PLA2G2F: variants seen among roughly 807,000 people sequenced by gnomAD.
The protein encoded by PLA2G2F is group IIF secretory phospholipase A2.
A neutral mutation model predicts 15.9 loss-of-function variants in PLA2G2F; 17 were observed. That is an observed-to-expected ratio of 1.07 (90% CI 0.73 to 1.60). The LOEUF (loss-of-function observed/expected upper bound fraction) is 1.60. Among genes scored for constraint, PLA2G2F ranks in the 40% most tolerant of loss-of-function variants. The pLI, the probability that PLA2G2F is intolerant of heterozygous loss-of-function variation, is 0.00. For missense variants in PLA2G2F, 299 were observed against 278.2 expected, an observed-to-expected ratio of 1.07 and a Z score of -0.53; for synonymous variants, 119 against 106.5, an observed-to-expected ratio of 1.12 and a Z score of -0.72.
chr1:20,139,702 G>A (rs2017421104), intron 1 of PLA2G2F, among the ~76,000 whole-genome samples, 159 bp downstream of exon 1: 1 of 152,216 alleles, frequency 6.6e-6, no homozygotes, highest in African/African-American at 2.4e-5. Flanking sequence ...ATGTGGCCCA[G>A]GGAGAGTGAG....
At chr1:20,145,869 A>G (rs1219878949) in intron 4 of PLA2G2F, among the ~76,000 whole-genome samples, 20 of 152,116 alleles carry the variant, frequency 1.3e-4, no homozygotes, top group African/African-American at 9.7e-5. Flanking sequence ...CTGCTTCCCA[A>G]AGTGCTGGGA....
intron 4 of PLA2G2F, 41 bp downstream of exon 4, chr1:20,144,730 GTGGCTGGCTCTACCAGCC>G (rs1209243638): frequency 2.7e-5 from 41 of 1,494,826 alleles, no homozygotes; most frequent in Non-Finnish European, 1.9e-5. Flanking sequence ...AGAGAAGGGA[GTGGCTGGCTCTACCAGCC>G]TGTGCTGGGA....
rs1449086600 is a variant in PLA2G2F, at chr1:20,143,428, C to A, written c.170-18C>A. On this transcript the variant is annotated intron_variant, in intron 2 of 4. Coordinates refer to ENST00000375102, the MANE Select transcript of PLA2G2F (RefSeq NM_022819.4). Reference sequence around the variant, plus strand: ...GCCCCGGGGCAGGGGCTCAGAGCACCCCCTGGTTCTCTTGCAGTTCTGTCC... The same window carrying A: ...GCCCCGGGGCAGGGGCTCAGAGCACACCCTGGTTCTCTTGCAGTTCTGTCC... The A allele has an allele frequency of 6.2e-7, 1 of 1,611,130 alleles. No individual in the cohort carries two copies. The highest frequency in any genetic ancestry group is 1.1e-5 in the South Asian group (1 of 90,974).
chr1:20,143,071 C>T (rs549963967), intron 2 of PLA2G2F: 1 of 168,482 alleles, frequency 5.9e-6, no homozygotes, highest in African/African-American at 2.4e-5. Flanking sequence ...TGCACTGGGC[C>T]TCAGTCTTCT....
chr1:20,146,211 T>C (rs1318086694), intron 4 of PLA2G2F, among the ~76,000 whole-genome samples: 1 of 152,198 alleles, frequency 6.6e-6, no homozygotes, highest in Non-Finnish European at 1.5e-5. Flanking sequence ...GGGTTTGAAC[T>C]CTGGTTCTGT....
In PLA2G2F at chr1:20,140,196, C is replaced by T. The variant is rs373042211; in HGVS notation, c.147C>T (p.Thr49=). 52 of 1,613,770 alleles carry T rather than the reference C, an allele frequency of 3.2e-5. No homozygotes were observed. In the East Asian group the frequency reaches 5.8e-4, roughly 18 times the overall value. The change falls in exon 2 of 5, where the codon ACC becomes ACT. Residue 49 remains threonine, a synonymous_variant. Transcript: ENST00000375102. ...RSSLGMKKFF[T]VAILAGSVLS... The stretch of plus-strand genomic sequence containing the variant: ...GCCTGGGTATGAAGAAGTTCTTCAC[C>T]GTGGCCATCCTTGCTGGCAGCGGTG...
chr1:20,143,781 GT>G (rs1445513471), intron 3 of PLA2G2F, 191 bp downstream of exon 3: 2 of 681,046 alleles, frequency 2.9e-6, no homozygotes, highest in Non-Finnish European at 4.8e-6. Flanking sequence ...GCTTTCTGTT[GT>G]CCATCTCCAA....
intron 2 of PLA2G2F, chr1:20,141,611 G>A (rs1569893792): frequency 6.6e-6 from 1 of 152,348 alleles, no homozygotes; most frequent in Non-Finnish European, 1.5e-5. Flanking sequence ...GGGGTCCTGG[G>A]ACTGGAGGTG....
Position 20,148,698 on chromosome 1 carries a change from G to T in PLA2G2F, c.*297G>T, listed in dbSNP as rs1429815409. On this transcript the variant is annotated 3_prime_UTR_variant, in exon 5 of 5. Coordinates refer to ENST00000375102, the MANE Select transcript of PLA2G2F (RefSeq NM_022819.4). ...GGAGACCTGAGAGAGAGGAGGAGGG[G>T]CCTCTGAGTGGGGCCTCTGTTGCTG... The T allele has an allele frequency of 9.3e-6, 4 of 428,386 alleles. No individual in the cohort carries two copies. Among genetic ancestry groups the T allele is most frequent in the African/African-American group, 7.9e-5 (4 of 50,604 alleles). The allele number at this position is 428,386 out of a possible 1,614,324, so 26.5% of individuals were successfully genotyped here.
In PLA2G2F at chr1:20,142,240, G is replaced by A. The variant is rs61768662; in HGVS notation, c.170-1206G>A. The A allele has an allele frequency of 9.3e-3, 1,414 of 152,582 alleles. 17 individuals carry two copies. The highest frequency in any genetic ancestry group is 0.02 in the Middle Eastern group (6 of 298). 9.5% of individuals were successfully genotyped at this position (152,582 alleles called of 1,614,324 possible). A position where few individuals can be genotyped will look rare whatever the true frequency, so the allele number is the denominator to read the frequency against. The stretch of plus-strand genomic sequence containing the variant: ...AATGGCTGGGGTGGGGGAAGCAGGC[G>A]GAGCTGCACTGCCCTGCGCTGCGGT... On this transcript the variant is annotated intron_variant, in intron 2 of 4. Transcript: ENST00000375102.
chr1:20,143,710 T>C, intron 3 of PLA2G2F, 120 bp downstream of exon 3: 3 of 1,281,876 alleles, frequency 2.3e-6, no homozygotes, highest in Non-Finnish European at 3.2e-6. Flanking sequence ...ATCCAGCTTC[T>C]TTGATGACTT....
Position 20,148,395 on chromosome 1 carries a change from TCCC to T in PLA2G2F, c.631_633del (p.Pro211del). ...ACCAATCCCCAGCGCCCCCCGCCCC[TCCC>T]TAGAGCCTCTGAGGTTTGAGAGAGA... On this transcript the variant is annotated inframe_deletion, in exon 5 of 5. Coordinates refer to ENST00000375102, the MANE Select transcript of PLA2G2F (RefSeq NM_022819.4). 1 of 1,609,506 alleles carries T rather than the reference TCCC, an allele frequency of 6.2e-7. No individual in the cohort carries two copies. The highest frequency in any genetic ancestry group is 8.5e-7 in the Non-Finnish European group (1 of 1,176,538).
rs776838854 is a variant in PLA2G2F, at chr1:20,143,513, C to G, written c.237C>G (p.Ser79Arg). 3.1e-6 allele frequency: 5 copies of G among 1,614,038 alleles called. No homozygotes were observed. Among genetic ancestry groups the G allele is most frequent in the Non-Finnish European group, 4.2e-6 (5 of 1,179,972 alleles). Residue 79 changes from serine to arginine, a missense_variant, in exon 3 of 5, where the codon AGC becomes AGG. Ser to Arg is a moderately radical substitution (Grantham distance 110, BLOSUM62 -1). Transcript: ENST00000375102. ...TGGTGGAGGCCGTCACAGGGAGGAG[C>G]GCCATCCTGTCCTTCGTGGGCTACG... ...KAMVEAVTGRSAILSFVGYGC... is the reference protein window; with the variant it reads ...KAMVEAVTGRRAILSFVGYGC...
At chr1:20,148,166 C>G in intron 4 of PLA2G2F, 24 bp from the exon 5 acceptor site, 1 of 1,604,066 alleles carries the variant, frequency 6.2e-7, no homozygotes, top group Non-Finnish European at 8.5e-7. Flanking sequence ...CATCCACAGC[C>G]TTTGCCACCC....
chr1:20,140,119 A>T, intron 1 of PLA2G2F, 47 bp from the exon 2 acceptor site: 1 of 1,600,438 alleles, frequency 6.2e-7, no homozygotes, highest in Non-Finnish European at 8.5e-7. Flanking sequence ...CAACACTGCC[A>T]AGGGTGGAGG....
intron 2 of PLA2G2F, chr1:20,141,413 G>A (rs2017466296): frequency 6.9e-6 from 1 of 144,518 alleles, no homozygotes; most frequent in South Asian, 2.3e-4. Context: ...GTGGGGGTGA[G>A]TGTGAGTTTG....
intron 4 of PLA2G2F, among the ~76,000 whole-genome samples, chr1:20,145,401 C>T (rs942627948): frequency 6.6e-6 from 1 of 151,704 alleles, no homozygotes; most frequent in Non-Finnish European, 1.5e-5. Context: ...CCTGCTTCAG[C>T]CTCCCAAGTA....
rs569885816 is a variant in PLA2G2F, at chr1:20,145,924, C to T, written c.424+1235C>T. On this transcript the variant is annotated intron_variant, in intron 4 of 4. Transcript: ENST00000375102. ...GCCCAGCCTGAAATTGAAATTCAAC[C>T]AGGAATCCTGTGTTTTGATTTTGGT... Among the ~76,000 whole-genome samples the T allele has an allele frequency of 7.2e-5, 11 of 152,316 alleles. No individual in the cohort carries two copies. In the East Asian group the frequency reaches 2.1e-3, roughly 29 times the overall value.
chr1:20,144,598 C>T lies in PLA2G2F; in HGVS notation c.333C>T (p.Asp111=), dbSNP rs374477419. 53 of 1,611,370 alleles carry T rather than the reference C, an allele frequency of 3.3e-5. No homozygotes were observed. The highest frequency in any genetic ancestry group is 2.7e-4 in the East Asian group (12 of 44,880). The change falls in exon 4 of 5, where the codon GAC becomes GAT. Residue 111 remains aspartate (D), a synonymous_variant. Transcript: ENST00000375102. Reference sequence around the variant, plus strand: ...TCCCTAGGTGCTGCCACGCCCACGACTGCTGCTACCAGGAACTCTTTGACC... The same window carrying T: ...TCCCTAGGTGCTGCCACGCCCACGATTGCTGCTACCAGGAACTCTTTGACC... The part of the protein sequence containing the change: ...DEVDWCCHAH[D]CCYQELFDQG...
Sources: gnomAD v4.1 joint callset for allele counts (sites outside exome capture counted in the v4.1 genomes callset) on GRCh38, gnomAD v4.1.1 for gene constraint, MANE v1.5 for transcripts, NCBI Gene and HGNC (gene_info 2026-07-23, HGNC 2026-07-21) for gene names.